The following NRG3 variants were observed in gnomAD, a reference collection of about 807,000 sequenced individuals.
The protein encoded by NRG3 is pro-neuregulin-3, membrane-bound isoform.
A neutral mutation model predicts 66.9 loss-of-function variants in NRG3; 31 were observed. The observed-to-expected ratio is 0.46, with a 90% CI of 0.35 to 0.63. The LOEUF is 0.63. Ranked by LOEUF, NRG3 falls within the 20% of genes least tolerant of loss-of-function variation. The pLI is 0.00. For synonymous variants in NRG3, 393 were observed against 359.4 expected (o/e 1.09, Z -1.06); for missense variants, 910 against 878.9 (o/e 1.04, Z -0.45).
At chr10:82,164,309 G>T (rs1161821513) in intron 1 of NRG3, among the ~76,000 whole-genome samples, 1 of 152,088 alleles carries the variant, frequency 6.6e-6, no homozygotes, top group Non-Finnish European at 1.5e-5. Context: ...ATCAACTCAG[G>T]ATATTTAGGA....
At chr10:82,891,629 T>G (rs1843155327) in intron 4 of NRG3, among the ~76,000 whole-genome samples, 2 of 152,070 alleles carry the variant, frequency 1.3e-5, no homozygotes, top group South Asian at 2.1e-4. Flanking sequence ...ATATTGAGTT[T>G]ATAGCTAGCA....
intron 1 of NRG3, among the ~76,000 whole-genome samples, chr10:82,150,922 T>C (rs900353907): frequency 6.6e-6 from 1 of 152,222 alleles, no homozygotes; most frequent in South Asian, 2.1e-4. Flanking sequence ...TGCTGTAAAG[T>C]AGTTCTATTT....
chr10:82,166,797 G>A, intron 1 of NRG3: 1 of 678,930 alleles, frequency 1.5e-6, no homozygotes, highest in East Asian at 2.7e-5. Flanking sequence ...AGTAGTGTGG[G>A]TCTGCTGCTG....
chr10:82,359,666 G>A (rs1282479585), intron 2 of NRG3, among the ~76,000 whole-genome samples: 1 of 152,054 alleles, frequency 6.6e-6, no homozygotes, highest in African/African-American at 2.4e-5. Context: ...CTGGTAATTT[G>A]TTTTTCTTTG....
chr10:82,928,507 A>G (rs184567576), intron 4 of NRG3, among the ~76,000 whole-genome samples: 1 of 151,752 alleles, frequency 6.6e-6, no homozygotes, highest in East Asian at 1.9e-4. Flanking sequence ...TCTTGAGTTA[A>G]TTTTTGTATA....
chr10:82,744,412 G>A (rs188827154), intron 3 of NRG3, among the ~76,000 whole-genome samples: 218 of 152,282 alleles, frequency 1.4e-3, no homozygotes, highest in African/African-American at 5.0e-3. Flanking sequence ...TGCATTCTCT[G>A]TTTCCTTACA....
chr10:82,756,285 G>A (rs1051528708), intron 3 of NRG3, among the ~76,000 whole-genome samples: 3 of 152,080 alleles, frequency 2.0e-5, no homozygotes, highest in Admixed American at 6.6e-5. Flanking sequence ...GACAGAAAGC[G>A]TGGCTACAGA....
intron 1 of NRG3, among the ~76,000 whole-genome samples, chr10:81,934,211 C>T (rs1847652433): frequency 6.6e-6 from 1 of 152,126 alleles, no homozygotes; most frequent in Non-Finnish European, 1.5e-5. Context: ...TTCATGGTTT[C>T]TTCTTTGTGT....
intron 1 of NRG3, among the ~76,000 whole-genome samples, chr10:82,102,183 T>C (rs1363229998): frequency 7.0e-6 from 1 of 141,862 alleles, no homozygotes; most frequent in Admixed American, 7.2e-5. Flanking sequence ...TAATGTCTTC[T>C]TGGGTAATTG....
chr10:82,137,811 G>A (rs2069479636), intron 1 of NRG3, among the ~76,000 whole-genome samples: 1 of 152,124 alleles, frequency 6.6e-6, no homozygotes, highest in African/African-American at 2.4e-5. Context: ...CAGACAGAAT[G>A]TTAAGGGTTT....
In NRG3 at chr10:82,257,829, T is replaced by C. The variant is rs148041648; in HGVS notation, c.824-100910T>C. 5.1e-3 allele frequency among the ~76,000 whole-genome samples: 775 copies of C among 152,302 alleles called. 1 individual carries two copies. The highest frequency in any genetic ancestry group is 0.044 in the Middle Eastern group (13 of 294). On this transcript the variant is annotated intron_variant, in intron 1 of 8. Transcript: ENST00000372141. ...TCTATCTAACAAAATAAAATCACCATATTTTCTTGCACTTTGCCCTGAAAA... is the reference window on the plus strand; with the variant it reads ...TCTATCTAACAAAATAAAATCACCACATTTTCTTGCACTTTGCCCTGAAAA...
At chr10:82,533,678 G>A (rs150025440) in intron 2 of NRG3, among the ~76,000 whole-genome samples, 64 of 152,134 alleles carry the variant, frequency 4.2e-4, no homozygotes, top group Non-Finnish European at 8.2e-4. Context: ...CTATGATCAG[G>A]ACCAAAGTAA....
At position 82,734,848 on chromosome 10, in the gene NRG3, C is replaced by A. The variant is rs190873587; in HGVS notation, c.954-3729C>A. ...ACTTCGGCAACCTAGCAAAACCCCC[C>A]TCTACAAAAAATTAAAAAAAATAAC... On this transcript the variant is annotated intron_variant, in intron 2 of 8. Coordinates refer to ENST00000372141, the MANE Select transcript of NRG3 (RefSeq NM_001010848.4). 3.5e-3 allele frequency among the ~76,000 whole-genome samples: 537 copies of A among 151,972 alleles called. 5 individuals carry two copies. The highest frequency in any genetic ancestry group is 0.013 in the African/African-American group (521 of 41,442).
intron 2 of NRG3, among the ~76,000 whole-genome samples, chr10:82,617,557 G>C (rs965058388): frequency 5.9e-5 from 9 of 152,150 alleles, no homozygotes; most frequent in Non-Finnish European, 1.2e-4. Flanking sequence ...TGTAAAATAG[G>C]CTCCTCTTGA....
chr10:82,638,632 G>A (rs1405644299), intron 2 of NRG3, among the ~76,000 whole-genome samples: 1 of 151,922 alleles, frequency 6.6e-6, no homozygotes, highest in African/African-American at 2.4e-5. Flanking sequence ...CACTCCAAGG[G>A]ATTCCTGAAA....
intron 8 of NRG3, among the ~76,000 whole-genome samples, chr10:82,979,486 G>C (rs987076135): frequency 5.9e-5 from 9 of 152,154 alleles, no homozygotes; most frequent in Non-Finnish European, 1.2e-4. Flanking sequence ...CGAATTCTCT[G>C]ATAAGTATTG....
chr10:82,777,860 G>A (rs1256935920), intron 3 of NRG3, among the ~76,000 whole-genome samples: 1 of 152,210 alleles, frequency 6.6e-6, no homozygotes, highest in African/African-American at 2.4e-5. Flanking sequence ...GGGCACGGCT[G>A]TAGCTTGGAC....
chr10:82,221,772 G>C (rs2075956664), intron 1 of NRG3, among the ~76,000 whole-genome samples: 1 of 152,174 alleles, frequency 6.6e-6, no homozygotes, highest in Non-Finnish European at 1.5e-5. Context: ...ACTCAGGACT[G>C]TCATGGTCCT....
intron 7 of NRG3, among the ~76,000 whole-genome samples, chr10:82,975,057 T>G (rs568437695): frequency 6.6e-6 from 1 of 152,344 alleles, no homozygotes; most frequent in African/African-American, 2.4e-5. Flanking sequence ...TTGAAATATG[T>G]TTGGCTCTTG....
Sources: gnomAD v4.1 joint callset for allele counts (sites outside exome capture counted in the v4.1 genomes callset) on GRCh38, gnomAD v4.1.1 for gene constraint, MANE v1.5 for transcripts, NCBI Gene and HGNC (gene_info 2026-07-23, HGNC 2026-07-21) for gene names.